Variants in PRR16 observed in about 807,000 individuals in gnomAD.
PRR16 encodes proline rich 16.
A neutral mutation model predicts 18.2 loss-of-function variants in PRR16; 6 were observed. The observed-to-expected ratio is 0.33, with a 90% CI of 0.18 to 0.65. The LOEUF (loss-of-function observed/expected upper bound fraction) is 0.65, where lower values mean the gene tolerates loss of function less well. Ranked by LOEUF, PRR16 falls within the 30% of genes least tolerant of loss-of-function variation. PRR16 has a pLI of 0.74. For missense variants in PRR16, 412 were observed against 376.6 expected (o/e 1.09, Z -0.78); for synonymous variants, 151 against 147.8 (o/e 1.02, Z -0.16).
chr5:120,752,440 A>G, the PRR16 span, among the ~76,000 whole-genome samples: 1 of 151,958 alleles, frequency 6.6e-6, no homozygotes, highest in African/African-American at 2.4e-5. Flanking sequence ...AGGGACAGTA[A>G]GGGGCCTAAC....
At chr5:120,537,524 T>G (rs1751758417) in intron 1 of PRR16, among the ~76,000 whole-genome samples, 1 of 152,046 alleles carries the variant, frequency 6.6e-6, no homozygotes, top group African/African-American at 2.4e-5. Context: ...TTTTATTCAT[T>G]GTACTAGTGG....
chr5:120,489,178 C>T (rs527358874), intron 1 of PRR16, among the ~76,000 whole-genome samples: 2 of 152,278 alleles, frequency 1.3e-5, no homozygotes, highest in South Asian at 2.1e-4. Context: ...CCACTTGGTG[C>T]AGAGCTGAGT....
At chr5:120,722,746 C>T in the PRR16 span, among the ~76,000 whole-genome samples, 1 of 151,950 alleles carries the variant, frequency 6.6e-6, no homozygotes, top group African/African-American at 2.4e-5. Context: ...GTTGTCTCTA[C>T]CACATACTGC....
At chr5:120,698,921 T>G in the PRR16 span, among the ~76,000 whole-genome samples, 1 of 152,158 alleles carries the variant, frequency 6.6e-6, no homozygotes, top group African/African-American at 2.4e-5. Flanking sequence ...TGGTCTGTTA[T>G]CAGACTGTAC....
chr5:120,504,710 A>G (rs187134769), intron 1 of PRR16, among the ~76,000 whole-genome samples: 1 of 152,188 alleles, frequency 6.6e-6, no homozygotes, highest in African/African-American at 2.4e-5. Flanking sequence ...TTCCCAGCCA[A>G]GCAGGTCCCT....
chr5:120,722,798 G>C, the PRR16 span, among the ~76,000 whole-genome samples: 1 of 151,066 alleles, frequency 6.6e-6, no homozygotes, highest in Admixed American at 6.6e-5. Flanking sequence ...CTTTCTCTAA[G>C]CTTTTGTTAT....
intron 1 of PRR16, among the ~76,000 whole-genome samples, chr5:120,532,374 A>G (rs751432986): frequency 5.3e-5 from 8 of 152,050 alleles, no homozygotes; most frequent in Non-Finnish European, 1.2e-4. Flanking sequence ...AAATTATTTA[A>G]GTTTATGGGC....
the PRR16 span, among the ~76,000 whole-genome samples, chr5:120,755,073 G>C: frequency 1.3e-5 from 2 of 151,100 alleles, no homozygotes; most frequent in Admixed American, 6.6e-5. Context: ...GTAACATTAG[G>C]AGATATACCT....
the PRR16 span, among the ~76,000 whole-genome samples, chr5:120,766,024 AG>A: frequency 1.3e-5 from 2 of 152,036 alleles, no homozygotes; most frequent in Non-Finnish European, 2.9e-5. Context: ...ATAGTTAATA[AG>A]TGGCCTTTGC....
the PRR16 span, among the ~76,000 whole-genome samples, chr5:120,713,068 C>A: frequency 6.6e-6 from 1 of 152,026 alleles, no homozygotes; most frequent in South Asian, 2.1e-4. Context: ...ACAACCTGGG[C>A]TCATGGACAG....
chr5:120,613,997 G>A (rs556649737), intron 1 of PRR16, among the ~76,000 whole-genome samples: 8 of 152,286 alleles, frequency 5.3e-5, no homozygotes, highest in African/African-American at 1.4e-4. Flanking sequence ...TTTGAACAGA[G>A]CTTTCCTTAG....
At chr5:120,576,823 C>T (rs992752671) in intron 1 of PRR16, among the ~76,000 whole-genome samples, 3 of 152,068 alleles carry the variant, frequency 2.0e-5, no homozygotes, top group African/African-American at 7.2e-5. Flanking sequence ...CATTGGCTCT[C>T]CTGGGTCTCC....
intron 1 of PRR16, among the ~76,000 whole-genome samples, chr5:120,580,466 T>G (rs1033663413): frequency 2.0e-5 from 3 of 150,556 alleles, no homozygotes; most frequent in Admixed American, 6.6e-5. Flanking sequence ...TTTTTTTTTT[T>G]TTTTTTGAGA....
intron 1 of PRR16, among the ~76,000 whole-genome samples, chr5:120,571,737 C>CTTATAATGACAATTGTTGTAT (rs1399381876): frequency 1.3e-5 from 2 of 152,130 alleles, no homozygotes; most frequent in Non-Finnish European, 1.5e-5. Flanking sequence ...AACTTAGTGG[C>CTTATAATGACAATTGTTGTAT]TTATAATGAC....
intron 1 of PRR16, among the ~76,000 whole-genome samples, chr5:120,521,601 G>T (rs1751182804): frequency 6.6e-6 from 1 of 152,046 alleles, no homozygotes; most frequent in South Asian, 2.1e-4. Context: ...TCAAATCAGG[G>T]TAATTATCAT....
At position 120,669,975 on chromosome 5, in the gene PRR16, G is replaced by T. The variant is rs1020457428; in HGVS notation, c.160-15979G>T. 2.4e-4 allele frequency among the ~76,000 whole-genome samples: 36 copies of T among 151,970 alleles called. 1 individual carries two copies. The highest frequency in any genetic ancestry group is 2.1e-3 in the Admixed American group (32 of 15,236). On this transcript the variant is annotated intron_variant, in intron 1 of 1. Transcript: ENST00000407149. ...AAAGGTTTTAGGGTATAATTACAATGTTTTAAATGTTATAATGCATAAAAT... is the reference window on the plus strand; with the variant it reads ...AAAGGTTTTAGGGTATAATTACAATTTTTTAAATGTTATAATGCATAAAAT...
intron 1 of PRR16, among the ~76,000 whole-genome samples, chr5:120,536,833 A>G (rs1751732522): frequency 1.3e-5 from 2 of 152,242 alleles, no homozygotes; most frequent in African/African-American, 4.8e-5. Flanking sequence ...ATAATTTTAA[A>G]AATACACATC....
At position 120,631,732 on chromosome 5, in the gene PRR16, G is replaced by C. The variant is rs554663435; in HGVS notation, c.160-54222G>C. Reference sequence around the variant, plus strand: ...GCTCAGACAGGCCTATCCCTGCCCCGACCTGATGGTCTGCCTCTACCCACC... The same window carrying C: ...GCTCAGACAGGCCTATCCCTGCCCCCACCTGATGGTCTGCCTCTACCCACC... On this transcript the variant is annotated intron_variant, in intron 1 of 1. Coordinates refer to ENST00000407149, the MANE Select transcript of PRR16 (RefSeq NM_001300783.2). Among the ~76,000 whole-genome samples, 551 of 152,116 alleles carry C rather than the reference G, an allele frequency of 3.6e-3. 8 individuals are homozygous for C. The highest frequency in any genetic ancestry group is 0.012 in the African/African-American group (502 of 41,532).
chr5:120,515,663 A>G (rs984157979), intron 1 of PRR16, among the ~76,000 whole-genome samples: 1 of 152,288 alleles, frequency 6.6e-6, no homozygotes, highest in African/African-American at 2.4e-5. Flanking sequence ...AGCATTTTTT[A>G]CCAATCTTTG....
Sources: gnomAD v4.1 joint callset for allele counts (sites outside exome capture counted in the v4.1 genomes callset) on GRCh38, gnomAD v4.1.1 for gene constraint, MANE v1.5 for transcripts, NCBI Gene and HGNC (gene_info 2026-07-23, HGNC 2026-07-21) for gene names.